The following DYRK3 variants were observed in gnomAD, a reference collection of about 807,000 sequenced individuals.
DYRK3 encodes dual specificity tyrosine phosphorylation regulated kinase 3, also known as dual specificity tyrosine-phosphorylation-regulated kinase 3.
A neutral mutation model predicts 40.8 loss-of-function variants in DYRK3; 30 were observed. The observed-to-expected ratio is 0.74, with a 90% confidence interval of 0.55 to 1.00. The LOEUF is 1.00. Among genes scored for constraint, DYRK3 ranks in the 50% least tolerant of loss-of-function variants. The pLI is 0.00. For synonymous variants in DYRK3, 272 were observed against 260.7 expected (o/e 1.04, Z -0.42); for missense variants, 699 against 731.5 (o/e 0.96, Z 0.51).
At chr1:206,642,917 CTT>C (rs1364926286) in intron 2 of DYRK3, among the ~76,000 whole-genome samples, 2 of 151,220 alleles carry the variant, frequency 1.3e-5, no homozygotes, top group South Asian at 2.1e-4. Context: ...TACCCTATAA[CTT>C]ATAATAATAA....
intron 2 of DYRK3, among the ~76,000 whole-genome samples, chr1:206,643,565 G>C (rs1671348475): frequency 6.6e-6 from 1 of 152,136 alleles, no homozygotes; most frequent in African/African-American, 2.4e-5. Context: ...TTCCTAGAGA[G>C]GCATTCCTTT....
Position 206,654,923 on chromosome 1 carries a change from C to T in DYRK3, c.*5958C>T, listed in dbSNP as rs1378555860. 6.6e-6 allele frequency among the ~76,000 whole-genome samples: 1 copy of T among 152,168 alleles called. No homozygotes were observed. The highest frequency in any genetic ancestry group is 1.5e-5 in the Non-Finnish European group (1 of 68,028). On this transcript the variant is annotated 3_prime_UTR_variant, in exon 3 of 3. Coordinates refer to ENST00000367109, the MANE Select transcript of DYRK3 (RefSeq NM_003582.4). ...CATCTTCTGCCACCACATGAATAGA[C>T]TAAAAAGAAAGGAGAGTCCCACATC...
chr1:206,648,144 G>T lies in DYRK3; in HGVS notation c.946G>T (p.Ala316Ser). 2 of 1,614,152 alleles carry T rather than the reference G, an allele frequency of 1.2e-6. No homozygotes were observed. The highest frequency in any genetic ancestry group is 1.3e-5 in the African/African-American group (1 of 75,034). Reference protein sequence around the residue: ...GFSVQLVRKFAQSILQSLDAL... With the variant: ...GFSVQLVRKFSQSILQSLDAL... ...TAGCGTCCAGTTGGTACGCAAGTTT[G>T]CCCAGTCCATCTTGCAATCTTTGGA... Residue 316 changes from alanine to serine, a missense_variant, in exon 3 of 3, where the codon GCC (alanine) becomes TCC (serine). Physicochemically the swap from Ala to Ser is moderately conservative, Grantham distance 99 (BLOSUM62 1). Transcript: ENST00000367109.
In DYRK3 at chr1:206,648,554, C is replaced by G; in HGVS notation, c.1356C>G (p.Cys452Trp). ...ATTCCAAGGGCATACCCCGCTACTG[C>G]TCTGTGACTACCCAGGCAGATGGGA... ...FINSKGIPRY[C>W]SVTTQADGRV... Residue 452 changes from cysteine to tryptophan, a missense_variant, in exon 3 of 3, where the codon TGC (cysteine) becomes TGG (tryptophan). Physicochemically the swap from Cys to Trp is radical, Grantham distance 215. Coordinates refer to ENST00000367109, the MANE Select transcript of DYRK3 (RefSeq NM_003582.4). The G allele has an allele frequency of 6.2e-7, 1 of 1,614,194 alleles. No individual in the cohort carries two copies. Among genetic ancestry groups the G allele is most frequent in the Non-Finnish European group, 8.5e-7 (1 of 1,180,036 alleles).
rs1477631294 is a variant in DYRK3 at position 206,653,593 on chromosome 1, G to T, written c.*4628G>T. Among the ~76,000 whole-genome samples the T allele has an allele frequency of 6.6e-6, 1 of 152,034 alleles. No homozygotes were observed. Among genetic ancestry groups the T allele is most frequent in the Non-Finnish European group, 1.5e-5 (1 of 68,010 alleles). ...GCATGCTCGCCTCTTCTTTTAAGTT[G>T]ACCCACACAATCTCTGATGTCTTCT... On this transcript the variant is annotated 3_prime_UTR_variant, in exon 3 of 3. Coordinates refer to ENST00000367109, the MANE Select transcript of DYRK3 (RefSeq NM_003582.4).
At chr1:206,640,890 A>T (rs947556263) in intron 2 of DYRK3, among the ~76,000 whole-genome samples, 1 of 152,152 alleles carries the variant, frequency 6.6e-6, no homozygotes, top group Non-Finnish European at 1.5e-5. Context: ...ACAGTAGAAG[A>T]TTCTATTTAA....
In DYRK3 at chr1:206,635,753, G is replaced by C. The variant is rs1553418198; in HGVS notation, c.50G>C (p.Gly17Ala). Residue 17 changes from glycine to alanine, a missense_variant, in exon 1 of 3, where the codon GGG becomes GCG. Transcript: ENST00000367109. ...GGGCGGAAGGATGCGGGGCCGCCTG[G>C]GGCCGGGCTCCCGCCCCAGCAGCGG... ...GPGRKDAGPP[G>A]AGLPPQQRRL... 8.0e-7 allele frequency: 1 copy of C among 1,244,980 alleles called. No individual in the cohort carries two copies. The highest frequency in any genetic ancestry group is 1.6e-5 in the African/African-American group (1 of 64,436). 77.1% of individuals were successfully genotyped at this position (1,244,980 alleles called of 1,614,324 possible). A position where few individuals can be genotyped will look rare whatever the true frequency, so the allele number is the denominator to read the frequency against.
In DYRK3 at chr1:206,652,487, C is replaced by T. The variant is rs782739271; in HGVS notation, c.*3522C>T. 6.6e-6 allele frequency among the ~76,000 whole-genome samples: 1 copy of T among 152,150 alleles called. No homozygotes were observed. Among genetic ancestry groups the T allele is most frequent in the Non-Finnish European group, 1.5e-5 (1 of 68,020 alleles). ...GGGCTAAGGGAAAGTGTATAGACAACTCATTACACTGTAGACAGATTTTAG... is the reference window on the plus strand; with the variant it reads ...GGGCTAAGGGAAAGTGTATAGACAATTCATTACACTGTAGACAGATTTTAG... On this transcript the variant is annotated 3_prime_UTR_variant, in exon 3 of 3. Coordinates refer to ENST00000367109, the MANE Select transcript of DYRK3 (RefSeq NM_003582.4).
At chr1:206,635,971 C>G (rs1671093523) in intron 1 of DYRK3, 191 bp downstream of exon 1, 1 of 1,338,150 alleles carries the variant, frequency 7.5e-7, no homozygotes, top group African/African-American at 1.5e-5. Context: ...CCCTGTCTCA[C>G]CGGGCGCGGG....
chr1:206,649,089 C>A lies in DYRK3; in HGVS notation c.*124C>A. On this transcript the variant is annotated 3_prime_UTR_variant, in exon 3 of 3. Coordinates refer to ENST00000367109, the MANE Select transcript of DYRK3 (RefSeq NM_003582.4). ...TAGAGTAGACTTTTTTTAAACAAGA[C>A]AAAACATTTTTATATGATTATAAAA... 9.7e-7 allele frequency: 1 copy of A among 1,029,830 alleles called. No individual in the cohort carries two copies. Among genetic ancestry groups the A allele is most frequent in the Non-Finnish European group, 1.4e-6 (1 of 729,992 alleles). 63.8% of individuals were successfully genotyped at this position (1,029,830 alleles called of 1,614,324 possible).
In DYRK3 at chr1:206,651,941, G is replaced by A. The variant is rs1224577279; in HGVS notation, c.*2976G>A. Among the ~76,000 whole-genome samples, 1 of 152,236 alleles carries A rather than the reference G, an allele frequency of 6.6e-6. No homozygotes were observed. Among genetic ancestry groups the A allele is most frequent in the Non-Finnish European group, 1.5e-5 (1 of 68,050 alleles). ...TTTCCTTGGGATGTTTGGACAGAAT[G>A]ATCTGGCTTGATGTATTTCTTGGGC... On this transcript the variant is annotated 3_prime_UTR_variant, in exon 3 of 3. Transcript: ENST00000367109.
In DYRK3 at chr1:206,653,441, T is replaced by G. The variant is rs1305548223; in HGVS notation, c.*4476T>G. Among the ~76,000 whole-genome samples, 1 of 152,242 alleles carries G rather than the reference T, an allele frequency of 6.6e-6. No individual in the cohort carries two copies. Among genetic ancestry groups the G allele is most frequent in the Non-Finnish European group, 1.5e-5 (1 of 68,042 alleles). On this transcript the variant is annotated 3_prime_UTR_variant, in exon 3 of 3. Coordinates refer to ENST00000367109, the MANE Select transcript of DYRK3 (RefSeq NM_003582.4). ...ACTCTTTCATCATGTGCTATCATGA[T>G]TTCTCCTTAGATTAGAAAGTAAGCT...
rs1553420919 is a variant in DYRK3, at chr1:206,648,939, A to G, written c.1741A>G (p.Ser581Gly). Reference sequence around the variant, plus strand: ...AACCAATGGTAGTATACCCCTATGCAGTGTATTGCCAAAACTGATTAGCTA... The same window carrying G: ...AACCAATGGTAGTATACCCCTATGCGGTGTATTGCCAAAACTGATTAGCTA... ...SETNGSIPLC[S>G]VLPKLIS The change falls in exon 3 of 3, where the codon AGT becomes GGT. Residue 581 changes from serine (S) to glycine (G), a missense_variant. Ser to Gly is a moderately conservative substitution (Grantham distance 56, BLOSUM62 0). Transcript: ENST00000367109. 3 of 1,613,252 alleles carry G rather than the reference A, an allele frequency of 1.9e-6. No homozygotes were observed. The highest frequency in any genetic ancestry group is 1.7e-5 in the Admixed American group (1 of 60,012).
intron 2 of DYRK3, among the ~76,000 whole-genome samples, chr1:206,638,813 A>G (rs1440776474): frequency 6.7e-6 from 1 of 149,216 alleles, no homozygotes; most frequent in East Asian, 1.9e-4. Context: ...TGGAAAAATC[A>G]CTTCTATTTT....
At position 206,651,154 on chromosome 1, in the gene DYRK3, T is replaced by A. The variant is rs1671621884; in HGVS notation, c.*2189T>A. On this transcript the variant is annotated 3_prime_UTR_variant, in exon 3 of 3. Transcript: ENST00000367109. ...AGTGGCATCTTGATCTCTTCAGATG[T>A]CACACTAAATGCTGCTCATAACCCA... is the stretch of plus-strand genomic sequence containing the variant. 6.6e-6 allele frequency among the ~76,000 whole-genome samples: 1 copy of A among 152,234 alleles called. No homozygotes were observed. Among genetic ancestry groups the A allele is most frequent in the South Asian group, 2.1e-4 (1 of 4,832 alleles).
chr1:206,643,851 A>T (rs1261659801), intron 2 of DYRK3, among the ~76,000 whole-genome samples: 16 of 152,228 alleles, frequency 1.1e-4, no homozygotes, highest in African/African-American at 3.9e-4. Flanking sequence ...TAGGAACTTA[A>T]ACTTTAATGT....
intron 2 of DYRK3, among the ~76,000 whole-genome samples, chr1:206,639,482 T>TA (rs1671216917): frequency 6.6e-6 from 1 of 150,644 alleles, no homozygotes; most frequent in Non-Finnish European, 1.5e-5. Flanking sequence ...TTTTTTTTTT[T>TA]TTTGAGATGG....
In DYRK3 at chr1:206,644,081, A is replaced by G. The variant is rs1323914669; in HGVS notation, c.190-3307A>G. 4.8e-5 allele frequency among the ~76,000 whole-genome samples: 6 copies of G among 124,904 alleles called. No homozygotes were observed. In the East Asian group the frequency reaches 6.8e-4, roughly 14 times the overall value. The allele number at this position is 124,904 out of a possible 152,430, so 81.9% of individuals were successfully genotyped here. A position where few individuals can be genotyped will look rare whatever the true frequency, so the allele number is the denominator to read the frequency against. On this transcript the variant is annotated intron_variant, in intron 2 of 2. Coordinates refer to ENST00000367109, the MANE Select transcript of DYRK3 (RefSeq NM_003582.4). ...AAGTAGTCTTGCCCTGTCGCCCAGG[A>G]TAGAGTGCAGTGATGCAATCTTGGC...
chr1:206,639,062 G>C (rs1671202530), intron 2 of DYRK3, among the ~76,000 whole-genome samples: 1 of 151,874 alleles, frequency 6.6e-6, no homozygotes, highest in Non-Finnish European at 1.5e-5. Flanking sequence ...TGTATTTTTA[G>C]TAGAGACAGG....
Sources: allele counts gnomAD v4.1 joint callset (sites outside exome capture counted in the v4.1 genomes callset), GRCh38; gene constraint gnomAD v4.1.1; transcripts MANE v1.5; gene names NCBI Gene and HGNC (gene_info 2026-07-23, HGNC 2026-07-21).